Variants in EXOC6B observed in about 807,000 individuals in gnomAD.
The protein encoded by EXOC6B is exocyst complex component 6B.
EXOC6B carries 54 observed loss-of-function variants against 113.5 expected under a neutral mutation model. The observed-to-expected ratio is 0.48, with a 90% CI of 0.38 to 0.60. The LOEUF is 0.60. Among genes scored for constraint, EXOC6B ranks in the 20% least tolerant of loss-of-function variants. EXOC6B has a pLI of 0.00. For missense variants in EXOC6B, 797 were observed against 977.5 expected (o/e 0.82, Z 2.46); for synonymous variants, 357 against 339.0 (o/e 1.05, Z -0.58).
chr2:72,693,389 G>A (rs976480736), intron 6 of EXOC6B, among the ~76,000 whole-genome samples: 2 of 151,948 alleles, frequency 1.3e-5, no homozygotes, highest in African/African-American at 2.4e-5. Context: ...TTTAAAAGGA[G>A]TTCATAAAAG....
intron 8 of EXOC6B, among the ~76,000 whole-genome samples, chr2:72,526,271 G>A (rs1449960078): frequency 6.6e-6 from 1 of 151,794 alleles, no homozygotes; most frequent in Non-Finnish European, 1.5e-5. Flanking sequence ...ATTGTTAATA[G>A]TCCTCATAAT....
At chr2:72,819,864 T>A (rs1686486666) in intron 1 of EXOC6B, among the ~76,000 whole-genome samples, 1 of 152,244 alleles carries the variant, frequency 6.6e-6, no homozygotes, top group African/African-American at 2.4e-5. Context: ...TATCTTCATT[T>A]TTCTAATCAC....
chr2:72,777,854 A>G (rs1236870617), intron 1 of EXOC6B, among the ~76,000 whole-genome samples: 1 of 152,160 alleles, frequency 6.6e-6, no homozygotes, highest in East Asian at 1.9e-4. Flanking sequence ...TACTATTGAA[A>G]CTAAATTGGT....
intron 6 of EXOC6B, among the ~76,000 whole-genome samples, chr2:72,584,799 T>C (rs1371863337): frequency 6.6e-6 from 1 of 152,118 alleles, no homozygotes; most frequent in Non-Finnish European, 1.5e-5. Flanking sequence ...ATTGAAATCA[T>C]ACCAACCACA....
At chr2:72,444,177 C>G (rs537426019) in intron 18 of EXOC6B, among the ~76,000 whole-genome samples, 1 of 152,202 alleles carries the variant, frequency 6.6e-6, no homozygotes, top group Non-Finnish European at 1.5e-5. Flanking sequence ...CCATGCAAGT[C>G]GAAATCCAGC....
At chr2:72,213,556 T>TCTA (rs1480615166) in intron 20 of EXOC6B, among the ~76,000 whole-genome samples, 2 of 152,122 alleles carry the variant, frequency 1.3e-5, no homozygotes, top group African/African-American at 2.4e-5. Flanking sequence ...CCTTAGAATC[T>TCTA]CTACAGTGAC....
At chr2:72,613,415 A>T (rs1180217355) in intron 6 of EXOC6B, among the ~76,000 whole-genome samples, 1 of 152,056 alleles carries the variant, frequency 6.6e-6, no homozygotes, top group Non-Finnish European at 1.5e-5. Flanking sequence ...TTAATGAAAA[A>T]TATTATATAT....
chr2:72,657,305 A>C (rs2104430499), intron 6 of EXOC6B, among the ~76,000 whole-genome samples: 1 of 143,392 alleles, frequency 7.0e-6, no homozygotes, highest in Non-Finnish European at 1.5e-5. Context: ...GGCTCACTGC[A>C]ACCTCTGCCT....
rs1296677563 is a variant in EXOC6B at position 72,825,515 on chromosome 2, C to T, written c.113+283G>A. Among the ~76,000 whole-genome samples the T allele has an allele frequency of 6.6e-6, 1 of 152,226 alleles. No homozygotes were observed. The highest frequency in any genetic ancestry group is 1.5e-5 in the Non-Finnish European group (1 of 68,034). ...GGGAGCCACCACCATCTGTCGGGCG[C>T]CCTCTCGTTCCCCAGCGCCGGACCA... On this transcript the variant is annotated intron_variant, in intron 1 of 21. Coordinates refer to ENST00000272427, the MANE Select transcript of EXOC6B (RefSeq NM_015189.3). The surrounding 1 kb of genome is among the most constrained non-coding windows in gnomAD (Gnocchi z 4.4).
intron 1 of EXOC6B, among the ~76,000 whole-genome samples, chr2:72,805,273 A>G (rs1351632324): frequency 6.6e-6 from 1 of 152,178 alleles, no homozygotes; most frequent in Non-Finnish European, 1.5e-5. Flanking sequence ...AACTTATAAT[A>G]AATTTCTGAC....
At chr2:72,524,852 A>C (rs1701679048) in intron 8 of EXOC6B, among the ~76,000 whole-genome samples, 1 of 152,250 alleles carries the variant, frequency 6.6e-6, no homozygotes, top group Admixed American at 6.5e-5. Flanking sequence ...ACTTGCTTTG[A>C]TAGATAATTT....
chr2:72,545,386 T>C (rs1007794690), intron 8 of EXOC6B, among the ~76,000 whole-genome samples: 1 of 152,124 alleles, frequency 6.6e-6, no homozygotes. Context: ...CTATCGAAAA[T>C]ACACCCAATC....
At position 72,823,799 on chromosome 2, in the gene EXOC6B, T is replaced by C. The variant is rs1195429872; in HGVS notation, c.113+1999A>G. ...CTGTCCCAAAAAAAAAAAAGAAGGATGGTTGCATCCGCACTAAACATGCTA... is the reference window on the plus strand; with the variant it reads ...CTGTCCCAAAAAAAAAAAAGAAGGACGGTTGCATCCGCACTAAACATGCTA... On this transcript the variant is annotated intron_variant, in intron 1 of 21. Transcript: ENST00000272427. Among the ~76,000 whole-genome samples the C allele has an allele frequency of 2.0e-5, 3 of 151,050 alleles. No individual in the cohort carries two copies. In the East Asian group the frequency reaches 5.8e-4, roughly 29 times the overall value.
At chr2:72,797,841 ATAATAAT>A (rs1685057974) in intron 1 of EXOC6B, among the ~76,000 whole-genome samples, 1 of 150,526 alleles carries the variant, frequency 6.6e-6, no homozygotes, top group Non-Finnish European at 1.5e-5. Context: ...TTAATTAATA[ATAATAAT>A]TATCAGCATA....
intron 11 of EXOC6B, among the ~76,000 whole-genome samples, chr2:72,508,770 C>T (rs1168281682): frequency 5.3e-5 from 8 of 151,534 alleles, no homozygotes; most frequent in African/African-American, 1.9e-4. Context: ...AAGACTCTGT[C>T]TCAAAAAAGT....
intron 6 of EXOC6B, among the ~76,000 whole-genome samples, chr2:72,643,713 T>G (rs1388013997): frequency 1.3e-5 from 2 of 149,460 alleles, no homozygotes; most frequent in Non-Finnish European, 3.0e-5. Context: ...TGTATACGTA[T>G]GTAACTAACC....
At chr2:72,667,987 T>C (rs1265836319) in intron 6 of EXOC6B, among the ~76,000 whole-genome samples, 1 of 152,060 alleles carries the variant, frequency 6.6e-6, no homozygotes, top group Non-Finnish European at 1.5e-5. Flanking sequence ...AGGTCTAATA[T>C]CCAGAATCTA....
intron 18 of EXOC6B, among the ~76,000 whole-genome samples, chr2:72,460,312 C>A (rs1466842261): frequency 3.3e-5 from 5 of 152,032 alleles, no homozygotes; most frequent in African/African-American, 1.2e-4. Context: ...GACTTCATGT[C>A]TAAAACACCA....
At chr2:72,490,764 T>C (rs918521848) in intron 16 of EXOC6B, among the ~76,000 whole-genome samples, 2 of 152,154 alleles carry the variant, frequency 1.3e-5, no homozygotes, top group African/African-American at 4.8e-5. Flanking sequence ...TATTATTACC[T>C]GACCCGTACA....
Sources: allele counts gnomAD v4.1 joint callset (sites outside exome capture counted in the v4.1 genomes callset), GRCh38; gene constraint gnomAD v4.1.1; non-coding constraint Gnocchi (gnomAD v3.1); transcripts MANE v1.5; gene names NCBI Gene and HGNC (gene_info 2026-07-23, HGNC 2026-07-21).